The following RPS6KA2 variants were observed in gnomAD, a reference collection of about 807,000 sequenced individuals.
RPS6KA2 encodes the protein ribosomal protein S6 kinase A2.
In RPS6KA2, 42 loss-of-function variants were observed where a neutral mutation model predicts 91.8. The ratio of observed to expected loss-of-function variants is 0.46; its 90% CI spans 0.36 to 0.59. The LOEUF is 0.59. RPS6KA2 is among the 20% of genes least tolerant of loss of function. The pLI is 0.00. For missense variants in RPS6KA2, 798 were observed against 978.5 expected (o/e 0.82, Z 2.46); for synonymous variants, 414 against 393.6 (o/e 1.05, Z -0.61).
intron 2 of RPS6KA2, among the ~76,000 whole-genome samples, chr6:166,672,251 CA>C (rs1467596252): frequency 6.6e-6 from 1 of 152,146 alleles, no homozygotes; most frequent in Admixed American, 6.6e-5. Flanking sequence ...AAGTCCCACG[CA>C]CACACTGAGT....
Position 166,445,238 on chromosome 6 carries a change from G to A in RPS6KA2, c.1332+3486C>T, listed in dbSNP as rs923275765. On this transcript the variant is annotated intron_variant, in intron 14 of 20. Coordinates refer to ENST00000265678, the MANE Select transcript of RPS6KA2 (RefSeq NM_021135.6). The surrounding 1 kb of genome is among the most constrained non-coding windows in gnomAD (Gnocchi z 4.5). ...GGCCCAGTCACAGTGGGGTGGGGGT[G>A]GGGGGCTGCCCGCAGCACGTGGGGA... Among the ~76,000 whole-genome samples the A allele has an allele frequency of 1.3e-5, 2 of 152,066 alleles. No individual in the cohort carries two copies. The highest frequency in any genetic ancestry group is 2.9e-5 in the Non-Finnish European group (2 of 67,998).
chr6:166,683,572 G>A (rs571586460), intron 2 of RPS6KA2, among the ~76,000 whole-genome samples: 1 of 152,312 alleles, frequency 6.6e-6, no homozygotes, highest in Admixed American at 6.5e-5. Context: ...ATTCATCTAA[G>A]GACAATGTGT....
intron 2 of RPS6KA2, among the ~76,000 whole-genome samples, chr6:166,766,094 G>A (rs780640964): frequency 3.9e-5 from 6 of 152,126 alleles, no homozygotes; most frequent in South Asian, 4.1e-4. Context: ...TCATGATGAC[G>A]TCTTTGGGGT....
intron 2 of RPS6KA2, among the ~76,000 whole-genome samples, chr6:166,751,724 C>T (rs1163033728): frequency 6.6e-6 from 1 of 152,270 alleles, no homozygotes; most frequent in African/African-American, 2.4e-5. Context: ...GCACCATTCG[C>T]ATCCTAGTGA....
rs1171065460 is a variant in RPS6KA2 at position 166,770,451 on chromosome 6, C to T, written c.123+87749G>A. On this transcript the variant is annotated intron_variant, in intron 2 of 21. Transcript: ENST00000503859. The surrounding 1 kb of genome is among the most constrained non-coding windows in gnomAD (Gnocchi z 5.1). ...CAGCCCCAGGCAGCTTCAGCACCCC[C>T]ACGTTTGCCTCGCTGCCATGGCTCC... Among the ~76,000 whole-genome samples the T allele has an allele frequency of 6.6e-6, 1 of 151,834 alleles. No homozygotes were observed. The highest frequency in any genetic ancestry group is 2.4e-5 in the African/African-American group (1 of 41,126).
chr6:166,684,730 G>C (rs1287777804), intron 2 of RPS6KA2, among the ~76,000 whole-genome samples: 1 of 152,068 alleles, frequency 6.6e-6, no homozygotes, highest in Non-Finnish European at 1.5e-5. Context: ...CTCCATCCCC[G>C]AAAGCCTCAC....
chr6:166,574,604 T>C (rs1227400149), intron 1 of RPS6KA2, among the ~76,000 whole-genome samples: 1 of 152,204 alleles, frequency 6.6e-6, no homozygotes, highest in Non-Finnish European at 1.5e-5. Flanking sequence ...ATTGTGAACG[T>C]TGTTGCAGTG....
intron 2 of RPS6KA2, among the ~76,000 whole-genome samples, chr6:166,743,713 T>C (rs1790884808): frequency 6.6e-6 from 1 of 152,212 alleles, no homozygotes; most frequent in Non-Finnish European, 1.5e-5. Context: ...CGAGAGGGAT[T>C]CTCTGCCTTC....
At chr6:166,790,555 T>A (rs997828811) in intron 2 of RPS6KA2, among the ~76,000 whole-genome samples, 8 of 151,814 alleles carry the variant, frequency 5.3e-5, no homozygotes, top group East Asian at 1.9e-4. Flanking sequence ...CCAAGACACA[T>A]AATTGTCAGA....
At chr6:166,686,615 C>T (rs561796273) in intron 2 of RPS6KA2, among the ~76,000 whole-genome samples, 41 of 152,326 alleles carry the variant, frequency 2.7e-4, no homozygotes, top group Admixed American at 2.2e-3. Context: ...AATTCTCCAC[C>T]CCTCACTGGC....
intron 14 of RPS6KA2, among the ~76,000 whole-genome samples, chr6:166,446,245 C>T (rs1177233131): frequency 5.3e-5 from 8 of 152,344 alleles, no homozygotes; most frequent in East Asian, 1.9e-4. Context: ...CCGGCTGAAA[C>T]GTGCTTCTGA....
chr6:166,724,304 C>T (rs552481174), intron 2 of RPS6KA2, among the ~76,000 whole-genome samples: 19 of 152,084 alleles, frequency 1.2e-4, no homozygotes, highest in Admixed American at 1.0e-3. Context: ...TAAATTTTGA[C>T]GCTGTTACTT....
intron 2 of RPS6KA2, among the ~76,000 whole-genome samples, chr6:166,765,312 C>T (rs187607353): frequency 2.8e-4 from 43 of 152,278 alleles, no homozygotes; most frequent in Non-Finnish European, 5.4e-4. Flanking sequence ...TCCAGCACAC[C>T]GGCCCTCAAG....
At chr6:166,786,130 A>T (rs1280856256) in intron 2 of RPS6KA2, among the ~76,000 whole-genome samples, 1 of 152,238 alleles carries the variant, frequency 6.6e-6, no homozygotes, top group Non-Finnish European at 1.5e-5. Context: ...CACTTACAGT[A>T]TGGAAAGCTG....
In RPS6KA2 at chr6:166,554,150, C is replaced by T. The variant is rs1016572073; in HGVS notation, c.100-15366G>A. 3.3e-5 allele frequency among the ~76,000 whole-genome samples: 5 copies of T among 152,188 alleles called. No individual in the cohort carries two copies. The highest frequency in any genetic ancestry group is 6.5e-5 in the Admixed American group (1 of 15,280). Reference sequence around the variant, plus strand: ...CATCACTGAAGCAACTGATGCAGTTCGTAAGTTCAGCTTTCTGCTACTTCT... The same window carrying T: ...CATCACTGAAGCAACTGATGCAGTTTGTAAGTTCAGCTTTCTGCTACTTCT... On this transcript the variant is annotated intron_variant, in intron 1 of 20. Transcript: ENST00000265678. This position sits in a 1 kb window ranked among gnomAD's most constrained non-coding sequence, Gnocchi z 4.3.
intron 2 of RPS6KA2, among the ~76,000 whole-genome samples, chr6:166,771,945 A>C (rs1778482933): frequency 6.6e-6 from 1 of 152,194 alleles, no homozygotes. Context: ...TTCTCGCCTC[A>C]GCCTACACCT....
chr6:166,635,779 G>T lies in RPS6KA2; in HGVS notation c.124-96995C>A, dbSNP rs1787218088. On this transcript the variant is annotated intron_variant, in intron 2 of 21. Transcript: ENST00000503859. The surrounding 1 kb of genome is among the most constrained non-coding windows in gnomAD (Gnocchi z 4.8). The stretch of plus-strand genomic sequence containing the variant: ...TGCCCACCTACTGCGCTCACCCCAG[G>T]ACAAGCCACCATCCCCACCCTGGGG... 6.6e-6 allele frequency among the ~76,000 whole-genome samples: 1 copy of T among 152,086 alleles called. No individual in the cohort carries two copies. Among genetic ancestry groups the T allele is most frequent in the Non-Finnish European group, 1.5e-5 (1 of 68,006 alleles).
chr6:166,664,688 T>G (rs920489318), intron 2 of RPS6KA2, among the ~76,000 whole-genome samples: 7 of 152,234 alleles, frequency 4.6e-5, no homozygotes, highest in African/African-American at 1.7e-4. Context: ...AACTTTTGAC[T>G]GTTTTTTAGT....
intron 2 of RPS6KA2, among the ~76,000 whole-genome samples, chr6:166,805,912 A>C (rs1779482409): frequency 6.6e-6 from 1 of 152,202 alleles, no homozygotes. Flanking sequence ...ATTAATAAAG[A>C]GATAGAAAAT....
Sources: allele counts gnomAD v4.1 joint callset (sites outside exome capture counted in the v4.1 genomes callset), GRCh38; gene constraint gnomAD v4.1.1; non-coding constraint Gnocchi (gnomAD v3.1); transcripts MANE v1.5; gene names NCBI Gene and HGNC (gene_info 2026-07-23, HGNC 2026-07-21).